The following TCEA2 variants were observed in gnomAD, a reference collection of about 807,000 sequenced individuals.
TCEA2 encodes the protein transcription elongation factor A2.
TCEA2 carries 21 observed loss-of-function variants against 40.8 expected under a neutral mutation model. That is an observed-to-expected ratio of 0.51 (90% CI 0.36 to 0.74). TCEA2 has a LOEUF of 0.74. Among genes scored for constraint, TCEA2 ranks in the 30% least tolerant of loss-of-function variants. The pLI is 0.00. For synonymous variants in TCEA2, 165 were observed against 162.7 expected, an observed-to-expected ratio of 1.01 and a Z score of -0.11; for missense variants, 326 against 426.5, an observed-to-expected ratio of 0.76 and a Z score of 2.08.
chr20:64,071,635 C>T (rs2059839040), intron 8 of TCEA2, among the ~76,000 whole-genome samples: 1 of 152,238 alleles, frequency 6.6e-6, no homozygotes, highest in African/African-American at 2.4e-5. Context: ...TCTGGGCCCT[C>T]CTGGTCCCCA....
chr20:64,057,878 G>A (rs1026357972), intron 1 of TCEA2, among the ~76,000 whole-genome samples: 2 of 152,158 alleles, frequency 1.3e-5, no homozygotes, highest in African/African-American at 4.8e-5. Context: ...GGAACCACCT[G>A]GACCTCCCTG....
At chr20:64,058,715 A>G (rs907000495), upstream of TCEA2, among the ~76,000 whole-genome samples, 3 of 152,206 alleles carry the variant, frequency 2.0e-5, no homozygotes, top group Non-Finnish European at 4.4e-5. This position sits in a 1 kb window ranked among gnomAD's most constrained non-coding sequence, Gnocchi z 6.7. Context: ...GTGCTTCTTT[A>G]CCAATCTGCT....
At chr20:64,069,881 C>T (rs746280512) in intron 6 of TCEA2, 60 bp downstream of exon 6, 35 of 1,589,200 alleles carry the variant, frequency 2.2e-5, no homozygotes, top group Non-Finnish European at 1.5e-5. Flanking sequence ...GGCTGCCTGG[C>T]CTGGTGCCCT....
chr20:64,066,550 C>A lies in TCEA2; in HGVS notation c.135+12C>A. On this transcript the variant is annotated intron_variant, in intron 2 of 9. Transcript: ENST00000343484. The stretch of plus-strand genomic sequence containing the variant: ...TGCACCTGCTCCAGGTAGGTCCCTG[C>A]CTGCCCCAGGTCCAGGACAGCTCCT... 2 of 1,612,848 alleles carry A rather than the reference C, an allele frequency of 1.2e-6. No individual in the cohort carries two copies. Among genetic ancestry groups the A allele is most frequent in the Non-Finnish European group, 1.7e-6 (2 of 1,179,298 alleles).
At chr20:64,063,524 G>A in intron 1 of TCEA2, 140 bp downstream of exon 1, 1 of 1,012,530 alleles carries the variant, frequency 9.9e-7, no homozygotes, top group Non-Finnish European at 1.4e-6. Flanking sequence ...CCGGGACGCA[G>A]GGGAGACCCC....
At chr20:64,061,116 T>TC (rs2059555606), upstream of TCEA2, among the ~76,000 whole-genome samples, 1 of 144,654 alleles carries the variant, frequency 6.9e-6, no homozygotes, top group Non-Finnish European at 1.5e-5. Flanking sequence ...TTTTTTTTTT[T>TC]TTTGGAGACA....
intron 1 of TCEA2, chr20:64,064,391 A>G (rs2059638956): frequency 6.6e-6 from 1 of 152,082 alleles, no homozygotes; most frequent in South Asian, 2.1e-4. Flanking sequence ...GACCTTGGCA[A>G]CCTCTGCACC....
chr20:64,059,193 CAAAAA>C (rs60812317), upstream of TCEA2, among the ~76,000 whole-genome samples: 7 of 91,240 alleles, frequency 7.7e-5, no homozygotes, highest in African/African-American at 2.0e-4. Flanking sequence ...AACTCTGTCT[CAAAAA>C]AAAAAAAAAA....
At chr20:64,065,303 A>C (rs1450408404) in intron 1 of TCEA2, among the ~76,000 whole-genome samples, 1 of 40,080 alleles carries the variant, frequency 2.5e-5, no homozygotes, top group Non-Finnish European at 7.9e-5. Context: ...CAGCGTGAGC[A>C]GACTATGCCA....
rs1450154356 is a variant in TCEA2 at position 64,068,052 on chromosome 20, T to G, written c.247T>G (p.Ser83Ala). 1 of 1,605,132 alleles carries G rather than the reference T, an allele frequency of 6.2e-7. No individual in the cohort carries two copies. Among genetic ancestry groups the G allele is most frequent in the South Asian group, 1.1e-5 (1 of 88,944 alleles). ...IKSWKKLLDA[S>A]DAKARERGRG... ...ATCCCCGATCTTTCCTGCAGATGCT[T>G]CCGATGCCAAAGCCAGGGAGCGGGG... The change falls in exon 4 of 10, where the codon TCC becomes GCC. Residue 83 changes from serine (S) to alanine (A), a missense_variant. Ser to Ala is a moderately conservative substitution (Grantham distance 99). Transcript: ENST00000343484.
upstream of TCEA2, chr20:64,056,799 C>G (rs1051396156): frequency 6.6e-6 from 1 of 152,298 alleles, no homozygotes; most frequent in South Asian, 2.1e-4. Context: ...GCCAAAGGTG[C>G]GGCTGGCCCT....
chr20:64,063,745 T>G, intron 1 of TCEA2: 2 of 253,036 alleles, frequency 7.9e-6, no homozygotes, highest in East Asian at 9.0e-5. Context: ...TCCTTGGCCC[T>G]GTCCCGCCTC....
chr20:64,061,757 C>T (rs957679939), upstream of TCEA2, among the ~76,000 whole-genome samples: 21 of 151,892 alleles, frequency 1.4e-4, no homozygotes, highest in Non-Finnish European at 2.5e-4. Flanking sequence ...GACGGAGTCT[C>T]GCTGTTGTTG....
upstream of TCEA2, chr20:64,062,400 T>G (rs1334424715): frequency 6.6e-6 from 1 of 152,272 alleles, no homozygotes; most frequent in Non-Finnish European, 1.5e-5. Context: ...GAACACTAAT[T>G]GTCATGCTCC....
chr20:64,070,647 C>T lies in TCEA2; in HGVS notation c.819+12C>T. The T allele has an allele frequency of 6.5e-7, 1 of 1,547,524 alleles. No individual in the cohort carries two copies. Among genetic ancestry groups the T allele is most frequent in the Non-Finnish European group, 8.7e-7 (1 of 1,143,384 alleles). On this transcript the variant is annotated intron_variant, in intron 8 of 9. Coordinates refer to ENST00000343484, the MANE Select transcript of TCEA2 (RefSeq NM_003195.6). ...GCACCTACACACAGGTGAGCGGCCG[C>T]TGGGCACCCTCCCCCGGGCCCGGTG...
intron 5 of TCEA2, 107 bp downstream of exon 5, chr20:64,069,598 C>G (rs1462890694): frequency 3.6e-5 from 56 of 1,549,490 alleles, no homozygotes; most frequent in Non-Finnish European, 4.9e-5. Context: ...CTGTCCTCCC[C>G]CAGCCCATTG....
At chr20:64,070,897 C>T (rs1601601788) in intron 8 of TCEA2, among the ~76,000 whole-genome samples, 1 of 152,202 alleles carries the variant, frequency 6.6e-6, no homozygotes, top group East Asian at 1.9e-4. Context: ...TGGCCCAGCC[C>T]AGCCTGAACG....
chr20:64,068,122 C>A lies in TCEA2; in HGVS notation c.317C>A (p.Ala106Asp). 1 of 1,608,038 alleles carries A rather than the reference C, an allele frequency of 6.2e-7. No homozygotes were observed. Among genetic ancestry groups the A allele is most frequent in the South Asian group, 1.1e-5 (1 of 89,412 alleles). Reference sequence around the variant, plus strand: ...ACGTCCTCGAGGGATGCCTCAGAGGCCCCGGATCCCAGGTAGCACACCTGG... The same window carrying A: ...ACGTCCTCGAGGGATGCCTCAGAGGACCCGGATCCCAGGTAGCACACCTGG... ...LPTSSRDASE[A>D]PDPSRKRPEL... Residue 106 changes from alanine to aspartate, a missense_variant, in exon 4 of 10, where the codon GCC becomes GAC. Transcript: ENST00000343484.
chr20:64,069,866 C>A, intron 6 of TCEA2, 45 bp downstream of exon 6: 1 of 1,603,996 alleles, frequency 6.2e-7, no homozygotes. Context: ...CTGGTGGAGT[C>A]AGGAGGCTGC....
Sources: gnomAD v4.1 joint callset for allele counts (sites outside exome capture counted in the v4.1 genomes callset) on GRCh38, gnomAD v4.1.1 for gene constraint, Gnocchi (gnomAD v3.1) non-coding constraint, MANE v1.5 for transcripts, NCBI Gene and HGNC (gene_info 2026-07-23, HGNC 2026-07-21) for gene names.